Variants in ZNHIT6 observed in about 807,000 individuals in gnomAD.
The protein encoded by ZNHIT6 is box C/D snoRNA protein 1.
A neutral mutation model predicts 57.2 loss-of-function variants in ZNHIT6; 45 were observed. That is an observed-to-expected ratio of 0.79 (90% CI 0.62 to 1.01). The LOEUF is 1.01. ZNHIT6 is among the 50% of genes least tolerant of loss of function. The pLI is 0.00. For missense variants in ZNHIT6, 528 were observed against 567.3 expected (o/e 0.93, Z 0.70); for synonymous variants, 188 against 190.0 (o/e 0.99, Z 0.09).
intron 8 of ZNHIT6, among the ~76,000 whole-genome samples, chr1:85,666,595 A>C (rs952031071): frequency 1.3e-5 from 2 of 152,158 alleles, no homozygotes; most frequent in Non-Finnish European, 2.9e-5. Context: ...AGTTGAGCTT[A>C]TATCTGTCCG....
chr1:85,707,483 C>G, intron 1 of ZNHIT6, 146 bp downstream of exon 1: 1 of 787,946 alleles, frequency 1.3e-6, no homozygotes, highest in Non-Finnish European at 2.0e-6. Flanking sequence ...TCCCAACCCA[C>G]CCCCGCGAAC....
chr1:85,679,793 C>T (rs1661818200), intron 6 of ZNHIT6, among the ~76,000 whole-genome samples: 1 of 152,096 alleles, frequency 6.6e-6, no homozygotes, highest in Non-Finnish European at 1.5e-5. Flanking sequence ...CCATGTTGGC[C>T]AAGCTGGTCT....
chr1:85,676,065 G>A (rs147595171), intron 8 of ZNHIT6, among the ~76,000 whole-genome samples: 2,155 of 152,218 alleles, frequency 0.014, 28 homozygotes, highest in Non-Finnish European at 0.024. Flanking sequence ...GGCCGGGCGC[G>A]GTGGCTCACG....
rs571958058 is a variant in ZNHIT6, at chr1:85,702,055, C to T, written c.1019+102G>A. 166 of 704,136 alleles carry T rather than the reference C, an allele frequency of 2.4e-4. No individual in the cohort carries two copies. In the African/African-American group the frequency reaches 2.9e-3, roughly 12 times the overall value. 43.6% of individuals were successfully genotyped at this position (704,136 alleles called of 1,614,324 possible). On this transcript the variant is annotated intron_variant, in intron 5 of 9. Coordinates refer to ENST00000370574, the MANE Select transcript of ZNHIT6 (RefSeq NM_017953.4). ...TCATGGACCAATAACAAACAGTTTA[C>T]AGAACCACACTTGGGGTAGCAATGC...
intron 5 of ZNHIT6, among the ~76,000 whole-genome samples, chr1:85,699,839 TAAATG>T (rs1411684775): frequency 6.6e-6 from 1 of 152,064 alleles, no homozygotes; most frequent in Non-Finnish European, 1.5e-5. Context: ...TCGGAATAAT[TAAATG>T]AAATGAGATA....
Position 85,663,910 on chromosome 1 carries a change from G to A in ZNHIT6, c.1248-5939C>T, listed in dbSNP as rs1007051446. On this transcript the variant is annotated intron_variant, in intron 8 of 9. Transcript: ENST00000370574. ...TGTAAAGAGTTTCTGCTGTTAGCCC[G>A]GTGTAGGTGATCCGTCTCTGTAGCC... Among the ~76,000 whole-genome samples, 122 of 142,886 alleles carry A rather than the reference G, an allele frequency of 8.5e-4. 1 individual carries two copies. The highest frequency in any genetic ancestry group is 4.0e-3 in the Admixed American group (57 of 14,188). 93.7% of individuals were successfully genotyped at this position (142,886 alleles called of 152,430 possible). A position where few individuals can be genotyped will look rare whatever the true frequency, so the allele number is the denominator to read the frequency against.
At chr1:85,678,146 A>T (rs546674635) in intron 7 of ZNHIT6, among the ~76,000 whole-genome samples, 38 of 152,286 alleles carry the variant, frequency 2.5e-4, no homozygotes, top group African/African-American at 8.7e-4. Flanking sequence ...GAATCTTTCC[A>T]CTATGTTATG....
chr1:85,687,311 A>AAAAAAAAC (rs1557861264), intron 5 of ZNHIT6, among the ~76,000 whole-genome samples: 1 of 142,368 alleles, frequency 7.0e-6, no homozygotes, highest in Admixed American at 7.2e-5. Context: ...AAAAAAAAAA[A>AAAAAAAAC]CAATTTAGAA....
intron 5 of ZNHIT6, among the ~76,000 whole-genome samples, chr1:85,683,167 C>T (rs188950058): frequency 1.3e-5 from 2 of 152,002 alleles, no homozygotes; most frequent in African/African-American, 2.4e-5. Context: ...CAGTGAACTG[C>T]GACTGCGTCA....
rs928618716 is a variant in ZNHIT6, at chr1:85,678,873, T to C, written c.1089-92A>G. Reference sequence around the variant, plus strand: ...TTGAATTATTAAATATTGTGGCTTTTTTGGTTTAAATAACTGAACAAAGAC... The same window carrying C: ...TTGAATTATTAAATATTGTGGCTTTCTTGGTTTAAATAACTGAACAAAGAC... On this transcript the variant is annotated intron_variant, in intron 6 of 9. Coordinates refer to ENST00000370574, the MANE Select transcript of ZNHIT6 (RefSeq NM_017953.4). 16 of 700,658 alleles carry C rather than the reference T, an allele frequency of 2.3e-5. No individual in the cohort carries two copies. In the African/African-American group the frequency reaches 3.0e-4, roughly 13 times the overall value. 43.4% of individuals were successfully genotyped at this position (700,658 alleles called of 1,614,324 possible). A position where few individuals can be genotyped will look rare whatever the true frequency, so the allele number is the denominator to read the frequency against.
chr1:85,689,380 TA>T (rs1662150787), intron 5 of ZNHIT6, among the ~76,000 whole-genome samples: 1 of 152,200 alleles, frequency 6.6e-6, no homozygotes, highest in Admixed American at 6.5e-5. Context: ...AGTACCATGA[TA>T]AGTGTTTTTT....
At chr1:85,659,257 A>AG (rs1661160731) in intron 8 of ZNHIT6, among the ~76,000 whole-genome samples, 1 of 152,226 alleles carries the variant, frequency 6.6e-6, no homozygotes, top group South Asian at 2.1e-4. Context: ...CATCCCCAGA[A>AG]CATTCATTCT....
At position 85,649,947 on chromosome 1, in the gene ZNHIT6, C is replaced by A. The variant is rs1378302037; in HGVS notation, c.*4111G>T. On this transcript the variant is annotated 3_prime_UTR_variant, in exon 10 of 10. Coordinates refer to ENST00000370574, the MANE Select transcript of ZNHIT6 (RefSeq NM_017953.4). ...AATCTCTAGTTAAAAACAATCAAGA[C>A]TTGCAGATTAAATCTGAACTTTACT... 1 of 152,152 alleles carries A rather than the reference C, an allele frequency of 6.6e-6. No individual in the cohort carries two copies. Among genetic ancestry groups the A allele is most frequent in the African/African-American group, 2.4e-5 (1 of 41,436 alleles). The allele number at this position is 152,152 out of a possible 1,614,324, so 9.4% of individuals were successfully genotyped here. A position where few individuals can be genotyped will look rare whatever the true frequency, so the allele number is the denominator to read the frequency against.
intron 5 of ZNHIT6, among the ~76,000 whole-genome samples, chr1:85,691,524 A>G (rs1662218942): frequency 6.6e-6 from 1 of 152,216 alleles, no homozygotes; most frequent in Non-Finnish European, 1.5e-5. Context: ...TCTCTGAGCT[A>G]ATGACTTTTG....
rs1436494520 is a variant in ZNHIT6, at chr1:85,706,146, C to A, written c.847G>T (p.Asp283Tyr). The A allele has an allele frequency of 6.2e-7, 1 of 1,613,734 alleles. No individual in the cohort carries two copies. The highest frequency in any genetic ancestry group is 1.3e-5 in the African/African-American group (1 of 74,896). The change falls in exon 4 of 10, where the codon GAT (aspartate) becomes TAT (tyrosine). Residue 283 changes from aspartate (D) to tyrosine (Y), a missense_variant. Physicochemically the swap from Asp to Tyr is radical, Grantham distance 160. Transcript: ENST00000370574. Reference protein sequence around the residue: ...NLLSDYRFLEDVARTADHISR... With the variant: ...NLLSDYRFLEYVARTADHISR... ...ATATGGTCCGCTGTTCTTGCCACAT[C>A]TTCCAAAAATCGATAATCTAAAAAT... is the stretch of plus-strand genomic sequence containing the variant.
rs557417456 is a variant in ZNHIT6 at position 85,689,641 on chromosome 1, G to C, written c.1020-8737C>G. Among the ~76,000 whole-genome samples the C allele has an allele frequency of 6.6e-5, 10 of 152,242 alleles. No individual in the cohort carries two copies. In the South Asian group the frequency reaches 2.1e-3, roughly 32 times the overall value. The stretch of plus-strand genomic sequence containing the variant: ...GAAAATGGATATAGCAGGTGAAGAC[G>C]GAAATGAAATGAAAAAGAACCTTTT... On this transcript the variant is annotated intron_variant, in intron 5 of 9. Transcript: ENST00000370574.
intron 6 of ZNHIT6, among the ~76,000 whole-genome samples, chr1:85,680,409 C>A (rs958462370): frequency 6.6e-6 from 1 of 152,078 alleles, no homozygotes; most frequent in Non-Finnish European, 1.5e-5. Context: ...TTAACAACCA[C>A]CCAGCTGAAG....
At chr1:85,657,128 T>A (rs1481836180) in intron 9 of ZNHIT6, among the ~76,000 whole-genome samples, 1 of 152,122 alleles carries the variant, frequency 6.6e-6, no homozygotes, top group African/African-American at 2.4e-5. Context: ...ATTTTACTCA[T>A]CCTCTAAAAT....
At chr1:85,692,725 A>C (rs1282808650) in intron 5 of ZNHIT6, among the ~76,000 whole-genome samples, 2 of 152,174 alleles carry the variant, frequency 1.3e-5, no homozygotes, top group East Asian at 3.8e-4. Flanking sequence ...TGTTAAAAAA[A>C]AAAAAAAAGT....
Sources: allele counts gnomAD v4.1 joint callset (sites outside exome capture counted in the v4.1 genomes callset), GRCh38; gene constraint gnomAD v4.1.1; transcripts MANE v1.5; gene names NCBI Gene and HGNC (gene_info 2026-07-23, HGNC 2026-07-21).